The following PRKN variants were observed in gnomAD, a reference collection of about 807,000 sequenced individuals.
PRKN encodes the protein parkin RBR E3 ubiquitin protein ligase, also known as E3 ubiquitin-protein ligase parkin.
A neutral mutation model predicts 59.5 loss-of-function variants in PRKN; 56 were observed. The observed-to-expected ratio is 0.94, with a 90% CI of 0.76 to 1.18. The LOEUF is 1.18. Among genes scored for constraint, PRKN ranks in the 50% most tolerant of loss-of-function variants. The pLI, the probability that PRKN is intolerant of heterozygous loss-of-function variation, is 0.00. For missense variants in PRKN, 657 were observed against 596.4 expected (o/e 1.10, Z -1.06); for synonymous variants, 250 against 222.1 (o/e 1.13, Z -1.12).
At chr6:161,820,231 C>G (rs1791965060) in intron 6 of PRKN, among the ~76,000 whole-genome samples, 1 of 151,770 alleles carries the variant, frequency 6.6e-6, no homozygotes, top group Non-Finnish European at 1.5e-5. Context: ...TTAGCTCTGG[C>G]AAAATGGGTT....
At chr6:161,825,823 T>G (rs1405102514) in intron 6 of PRKN, among the ~76,000 whole-genome samples, 3 of 152,142 alleles carry the variant, frequency 2.0e-5, no homozygotes, top group African/African-American at 7.2e-5. Context: ...TGGTCCAAGT[T>G]GTGGTTTCTT....
chr6:162,179,279 T>C (rs913684631), intron 4 of PRKN, among the ~76,000 whole-genome samples: 8 of 152,196 alleles, frequency 5.3e-5, no homozygotes, highest in Admixed American at 2.6e-4. Flanking sequence ...GCCGAATTTC[T>C]TAGGAACCTG....
intron 1 of PRKN, among the ~76,000 whole-genome samples, chr6:162,449,401 T>C (rs1443828325): frequency 6.6e-6 from 1 of 152,204 alleles, no homozygotes; most frequent in Admixed American, 6.5e-5. Context: ...CAATAATTTG[T>C]GGTGGAACAC....
chr6:162,554,894 A>G (rs1451050436), intron 1 of PRKN, among the ~76,000 whole-genome samples: 1 of 152,214 alleles, frequency 6.6e-6, no homozygotes, highest in East Asian at 1.9e-4. Flanking sequence ...TGTATCAACT[A>G]TCAAGAAAAA....
intron 7 of PRKN, among the ~76,000 whole-genome samples, chr6:161,685,192 T>C (rs1785508975): frequency 6.6e-6 from 1 of 152,238 alleles, no homozygotes; most frequent in South Asian, 2.1e-4. Flanking sequence ...CAGTTTTTTC[T>C]ACTTCATCTG....
Position 161,423,942 on chromosome 6 carries a change from A to AG in PRKN, c.1084-37066dup, listed in dbSNP as rs1788216528. The stretch of plus-strand genomic sequence containing the variant: ...TTTTCTAAAGTCTACAGACAAGAAA[A>AG]GCACTGGCCAATGAAGGTCAATGTC... On this transcript the variant is annotated intron_variant, in intron 9 of 11. Coordinates refer to ENST00000366898, the MANE Select transcript of PRKN (RefSeq NM_004562.3). The surrounding 1 kb of genome is among the most constrained non-coding windows in gnomAD (Gnocchi z 5.9). Among the ~76,000 whole-genome samples, 1 of 152,214 alleles carries AG rather than the reference A, an allele frequency of 6.6e-6. No homozygotes were observed. The highest frequency in any genetic ancestry group is 2.4e-5 in the African/African-American group (1 of 41,452).
chr6:162,033,824 T>C (rs1783733520), intron 5 of PRKN, among the ~76,000 whole-genome samples: 1 of 152,218 alleles, frequency 6.6e-6, no homozygotes, highest in Non-Finnish European at 1.5e-5. Flanking sequence ...CCATCTTTTC[T>C]ATCTTGTTTA....
chr6:162,125,315 A>G (rs1261726483), intron 4 of PRKN, among the ~76,000 whole-genome samples: 1 of 152,180 alleles, frequency 6.6e-6, no homozygotes, highest in African/African-American at 2.4e-5. Flanking sequence ...GGAGAAACAC[A>G]GCCCCCCTTA....
chr6:161,981,155 T>C (rs976644892), intron 5 of PRKN, among the ~76,000 whole-genome samples: 9 of 152,196 alleles, frequency 5.9e-5, no homozygotes, highest in African/African-American at 2.2e-4. Context: ...ACAGACAGCC[T>C]GTCACTTCAA....
chr6:162,021,933 G>C (rs1341051068), intron 5 of PRKN, among the ~76,000 whole-genome samples: 1 of 152,056 alleles, frequency 6.6e-6, no homozygotes, highest in Non-Finnish European at 1.5e-5. Flanking sequence ...ACTTATAAGT[G>C]AGAACATGCA....
chr6:161,903,661 C>G (rs546943189), intron 6 of PRKN, among the ~76,000 whole-genome samples: 1 of 152,028 alleles, frequency 6.6e-6, no homozygotes, highest in African/African-American at 2.4e-5. Flanking sequence ...AAACACAGTG[C>G]TTTGGATTTG....
chr6:161,383,011 G>A (rs1485800116), intron 10 of PRKN, among the ~76,000 whole-genome samples: 1 of 152,182 alleles, frequency 6.6e-6, no homozygotes, highest in Admixed American at 6.5e-5. Context: ...TGTGAAGAGG[G>A]CTGATGAGGG....
At chr6:162,095,242 T>C (rs1453359981) in intron 4 of PRKN, among the ~76,000 whole-genome samples, 4 of 152,184 alleles carry the variant, frequency 2.6e-5, no homozygotes, top group African/African-American at 9.7e-5. Flanking sequence ...GTCACAAATA[T>C]GCCACTACAG....
intron 6 of PRKN, among the ~76,000 whole-genome samples, chr6:161,836,121 G>A (rs760175687): frequency 9.7e-4 from 148 of 152,202 alleles, no homozygotes; most frequent in Admixed American, 2.7e-3. Flanking sequence ...CAGCTAACTC[G>A]GAGTGCGGCC....
Position 162,727,682 on chromosome 6 carries a change from G to A in PRKN, c.-14C>T. The stretch of plus-strand genomic sequence containing the variant: ...CGTACCTATCATGGTCACTGGGTAG[G>A]TGGCGGCTGCGGGCCAGGAACAGGC... On this transcript the variant is annotated 5_prime_UTR_variant, in exon 1 of 12. Transcript: ENST00000366898. 1 of 1,576,424 alleles carries A rather than the reference G, an allele frequency of 6.3e-7. No individual in the cohort carries two copies.
chr6:162,461,858 C>T (rs1791195143), intron 1 of PRKN, among the ~76,000 whole-genome samples: 1 of 150,574 alleles, frequency 6.6e-6, no homozygotes, highest in Non-Finnish European at 1.5e-5. Flanking sequence ...AGAAGAGTGG[C>T]TAAAAGCTGG....
At chr6:161,810,951 G>A (rs1045516979) in intron 6 of PRKN, among the ~76,000 whole-genome samples, 14 of 152,198 alleles carry the variant, frequency 9.2e-5, no homozygotes, top group African/African-American at 2.4e-4. Context: ...GCAGGGGTTC[G>A]TCTGATGGGG....
chr6:161,942,261 G>A (rs1490828559), intron 6 of PRKN, among the ~76,000 whole-genome samples: 5 of 152,100 alleles, frequency 3.3e-5, no homozygotes, highest in East Asian at 1.9e-4. Context: ...GGCTGGGCGC[G>A]GTGGCTCACT....
chr6:161,996,306 C>A (rs1032540264), intron 5 of PRKN, among the ~76,000 whole-genome samples: 1 of 152,128 alleles, frequency 6.6e-6, no homozygotes, highest in Non-Finnish European at 1.5e-5. Context: ...TGGACAAATA[C>A]CTTTCCAAAG....
Sources: allele counts gnomAD v4.1 joint callset (sites outside exome capture counted in the v4.1 genomes callset), GRCh38; gene constraint gnomAD v4.1.1; non-coding constraint Gnocchi (gnomAD v3.1); transcripts MANE v1.5; gene names NCBI Gene and HGNC (gene_info 2026-07-23, HGNC 2026-07-21).